Variants in GPBP1 observed in about 807,000 individuals in gnomAD.
GPBP1 encodes GC-rich promoter binding protein 1.
Under a neutral mutation model 56.5 loss-of-function variants are expected in GPBP1, and 13 were observed. The observed-to-expected ratio is 0.23, with a 90% CI of 0.15 to 0.37. GPBP1 has a LOEUF of 0.37. Ranked by LOEUF, GPBP1 falls within the 10% of genes least tolerant of loss-of-function variation. The probability of loss-of-function intolerance (pLI) is 1.00; values close to 1 mark genes in which losing one functional copy is unlikely to be tolerated. For missense variants in GPBP1, 477 were observed against 572.3 expected, an observed-to-expected ratio of 0.83 and a Z score of 1.70; for synonymous variants, 204 against 188.9, an observed-to-expected ratio of 1.08 and a Z score of -0.66.
At chr5:57,182,676 T>G (rs1754109060) in intron 2 of GPBP1, among the ~76,000 whole-genome samples, 1 of 151,952 alleles carries the variant, frequency 6.6e-6, no homozygotes, top group African/African-American at 2.4e-5. Flanking sequence ...CGGCTTCTTC[T>G]CTTTAATTCT....
intron 2 of GPBP1, among the ~76,000 whole-genome samples, chr5:57,177,334 T>G (rs1220398420): frequency 2.0e-5 from 3 of 152,256 alleles, no homozygotes; most frequent in African/African-American, 7.2e-5. Flanking sequence ...CATTTAATGT[T>G]TTTTAAAGAG....
At chr5:57,223,646 C>G (rs906520189) in intron 3 of GPBP1, among the ~76,000 whole-genome samples, 3 of 151,886 alleles carry the variant, frequency 2.0e-5, no homozygotes, top group African/African-American at 4.8e-5. Flanking sequence ...CTCACACCTC[C>G]GTAAGGCTGT....
At chr5:57,205,716 C>A (rs1330127003) in intron 2 of GPBP1, among the ~76,000 whole-genome samples, 1 of 151,152 alleles carries the variant, frequency 6.6e-6, no homozygotes, top group Non-Finnish European at 1.5e-5. Context: ...TGTTTATCTT[C>A]TTGGGAAAAT....
chr5:57,215,844 T>C (rs1040802772), intron 3 of GPBP1, among the ~76,000 whole-genome samples: 10 of 150,668 alleles, frequency 6.6e-5, no homozygotes, highest in South Asian at 2.1e-4. Context: ...AAACTACTTA[T>C]TGCTTATTCA....
At chr5:57,253,122 G>A (rs1181556662) in intron 10 of GPBP1, among the ~76,000 whole-genome samples, 1 of 152,122 alleles carries the variant, frequency 6.6e-6, no homozygotes, top group African/African-American at 2.4e-5. Context: ...TTCATATCTA[G>A]AATTTATTTT....
At chr5:57,178,301 G>T (rs139202970) in intron 2 of GPBP1, among the ~76,000 whole-genome samples, 2,335 of 152,254 alleles carry the variant, frequency 0.015, 136 homozygotes, top group East Asian at 0.097. Flanking sequence ...AGGCTAGAGT[G>T]CAGTGGCGCA....
rs568419186 is a variant in GPBP1 at position 57,183,662 on chromosome 5, C to T, written c.-58+7262C>T. On this transcript the variant is annotated intron_variant, in intron 2 of 11. Transcript: ENST00000506184. ...CCCCCCCATCTCAAAAAAAGAATTA[C>T]GATGAAAGTGTAGTATAAGGGAAAT... Among the ~76,000 whole-genome samples, 12 of 151,814 alleles carry T rather than the reference C, an allele frequency of 7.9e-5. No homozygotes were observed. The East Asian group carries it at 1.4e-3, about 17-fold the overall frequency.
intron 10 of GPBP1, among the ~76,000 whole-genome samples, chr5:57,260,453 C>T (rs1331074131): frequency 6.6e-6 from 1 of 152,140 alleles, no homozygotes; most frequent in African/African-American, 2.4e-5. Context: ...TTTGTTCTTG[C>T]TTCGATTTTA....
intron 1 of GPBP1, 98 bp from the exon 2 acceptor site, chr5:57,175,350 G>A (rs984939786): frequency 1.5e-5 from 6 of 390,034 alleles, no homozygotes; most frequent in African/African-American, 8.3e-5. Flanking sequence ...TTATATAGAA[G>A]TGATTTTCTC....
intron 2 of GPBP1, among the ~76,000 whole-genome samples, chr5:57,190,940 CCTTGAACTCTAGGTAAAACATGTTGT>C (rs1434596625): frequency 1.3e-5 from 2 of 151,550 alleles, no homozygotes; most frequent in Non-Finnish European, 2.9e-5. Context: ...AAACATGTTG[CCTTGAACTCTAGGTAAAACATGTTGT>C]CTTGAACTCT....
At chr5:57,216,655 C>T (rs1056873596) in intron 3 of GPBP1, among the ~76,000 whole-genome samples, 4 of 152,236 alleles carry the variant, frequency 2.6e-5, no homozygotes, top group Non-Finnish European at 5.9e-5. Flanking sequence ...CACTGCAGTC[C>T]AGCCTGGGTG....
At chr5:57,222,713 A>G (rs1336493671) in intron 3 of GPBP1, among the ~76,000 whole-genome samples, 1 of 152,232 alleles carries the variant, frequency 6.6e-6, no homozygotes, top group Non-Finnish European at 1.5e-5. Context: ...GTAAATTTCT[A>G]GCAGTAGAAT....
At position 57,263,887 on chromosome 5, in the gene GPBP1, G is replaced by A. The variant is rs1469010323; in HGVS notation, c.*1135G>A. The A allele has an allele frequency of 1.3e-5, 2 of 151,914 alleles. No individual in the cohort carries two copies. Among genetic ancestry groups the A allele is most frequent in the African/African-American group, 4.8e-5 (2 of 41,358 alleles). The allele number at this position is 151,914 out of a possible 1,614,324, so 9.4% of individuals were successfully genotyped here. A position where few individuals can be genotyped will look rare whatever the true frequency, so the allele number is the denominator to read the frequency against. ...GTATATTTGTATTTTGATTTTTCTG[G>A]TTTGTTTACCCCCATTTGCTTTTAG... is the stretch of plus-strand genomic sequence containing the variant. On this transcript the variant is annotated 3_prime_UTR_variant, in exon 12 of 12. Transcript: ENST00000506184.
At chr5:57,181,474 T>C (rs926732347) in intron 2 of GPBP1, among the ~76,000 whole-genome samples, 4 of 151,628 alleles carry the variant, frequency 2.6e-5, no homozygotes, top group Non-Finnish European at 5.9e-5. Context: ...AAAATACTAT[T>C]TAAAAAAGGG....
chr5:57,207,221 T>G (rs1443768280), intron 2 of GPBP1, among the ~76,000 whole-genome samples: 2 of 152,228 alleles, frequency 1.3e-5, no homozygotes, highest in Non-Finnish European at 2.9e-5. Flanking sequence ...GTTCTGTAAC[T>G]TTATTCTTTT....
At chr5:57,194,901 G>A (rs76211534) in intron 2 of GPBP1, among the ~76,000 whole-genome samples, 2,291 of 152,100 alleles carry the variant, frequency 0.015, 131 homozygotes, top group East Asian at 0.091. Flanking sequence ...CCATTCATTC[G>A]TTGATTGGCA....
At chr5:57,175,034 C>T (rs531947217) in intron 1 of GPBP1, among the ~76,000 whole-genome samples, 1 of 152,324 alleles carries the variant, frequency 6.6e-6, no homozygotes, top group Admixed American at 6.5e-5. Flanking sequence ...GTTACATTCG[C>T]TAATACTCCG....
intron 3 of GPBP1, among the ~76,000 whole-genome samples, chr5:57,214,914 A>G (rs1201948370): frequency 2.0e-5 from 3 of 152,236 alleles, no homozygotes; most frequent in Non-Finnish European, 4.4e-5. Flanking sequence ...TGCCCGCCTC[A>G]GTCTCCCAAA....
intron 2 of GPBP1, among the ~76,000 whole-genome samples, chr5:57,192,263 A>C (rs1287992547): frequency 2.6e-5 from 4 of 152,114 alleles, no homozygotes; most frequent in Non-Finnish European, 5.9e-5. Context: ...TGGTAGTTTC[A>C]CATTTCTATT....
Sources: gnomAD v4.1 joint callset for allele counts (sites outside exome capture counted in the v4.1 genomes callset) on GRCh38, gnomAD v4.1.1 for gene constraint, MANE v1.5 for transcripts, NCBI Gene and HGNC (gene_info 2026-07-23, HGNC 2026-07-21) for gene names.